Variants in HPSE2 observed in about 807,000 individuals in gnomAD.
The protein encoded by HPSE2 is inactive heparanase-2.
Under a neutral mutation model 60.5 loss-of-function variants are expected in HPSE2, and 38 were observed. That is an observed-to-expected ratio of 0.63 (90% confidence interval 0.48 to 0.82). The LOEUF (loss-of-function observed/expected upper bound fraction) is 0.82. HPSE2 is among the 40% of genes least tolerant of loss of function. The pLI is 0.00. For missense variants in HPSE2, 713 were observed against 740.4 expected, an observed-to-expected ratio of 0.96 and a Z score of 0.43; for synonymous variants, 295 against 293.2, an observed-to-expected ratio of 1.01 and a Z score of -0.06.
At chr10:98,515,085 C>T (rs11189644) in intron 9 of HPSE2, among the ~76,000 whole-genome samples, 4 of 152,090 alleles carry the variant, frequency 2.6e-5, no homozygotes, top group Non-Finnish European at 5.9e-5. Context: ...ATATTGAACT[C>T]GCTGGACTTT....
At chr10:98,979,558 C>G (rs999375262) in intron 3 of HPSE2, among the ~76,000 whole-genome samples, 3 of 152,034 alleles carry the variant, frequency 2.0e-5, no homozygotes, top group African/African-American at 7.2e-5. Context: ...ATTATTTGTA[C>G]AAAAGACATA....
In HPSE2 at chr10:99,105,956, A is replaced by G. The variant is rs146358782; in HGVS notation, c.610+38282T>C. Among the ~76,000 whole-genome samples, 1,395 of 152,116 alleles carry G rather than the reference A, an allele frequency of 9.2e-3. 16 individuals are homozygous for G. The highest frequency in any genetic ancestry group is 0.031 in the African/African-American group (1,300 of 41,520). ...TATTGCAAACTCTTAATTCTGTTCC[A>G]TTTATCTGTATACCTATCTTTATAC... On this transcript the variant is annotated intron_variant, in intron 3 of 11. Coordinates refer to ENST00000370552, the MANE Select transcript of HPSE2 (RefSeq NM_021828.5).
intron 3 of HPSE2, among the ~76,000 whole-genome samples, chr10:99,138,785 TA>T (rs1460075669): frequency 6.6e-6 from 1 of 152,096 alleles, no homozygotes; most frequent in Admixed American, 6.6e-5. Flanking sequence ...GAGAAATACC[TA>T]ATGTAGGTGA....
intron 3 of HPSE2, among the ~76,000 whole-genome samples, chr10:98,926,996 C>A (rs1228268245): frequency 1.3e-5 from 2 of 152,074 alleles, no homozygotes; most frequent in Non-Finnish European, 2.9e-5. Context: ...AATTTCTGTT[C>A]TTTTACATTT....
intron 3 of HPSE2, among the ~76,000 whole-genome samples, chr10:98,752,220 G>T (rs541349511): frequency 1.3e-5 from 2 of 152,064 alleles, no homozygotes; most frequent in Non-Finnish European, 2.9e-5. Context: ...CTGTGACAAA[G>T]ACACATTTTA....
At chr10:99,034,374 T>C (rs1589551342) in intron 3 of HPSE2, among the ~76,000 whole-genome samples, 1 of 152,092 alleles carries the variant, frequency 6.6e-6, no homozygotes, top group Non-Finnish European at 1.5e-5. Flanking sequence ...TATCAACAGG[T>C]ACCATGAGGA....
At chr10:99,007,179 GAGTGTAGAGC>G (rs1452525083) in intron 3 of HPSE2, among the ~76,000 whole-genome samples, 1 of 152,160 alleles carries the variant, frequency 6.6e-6, no homozygotes, top group Non-Finnish European at 1.5e-5. Context: ...GGTAGACCTG[GAGTGTAGAGC>G]TTCAGGATCT....
At chr10:98,626,050 G>A (rs1946199867) in intron 7 of HPSE2, among the ~76,000 whole-genome samples, 1 of 149,998 alleles carries the variant, frequency 6.7e-6, no homozygotes, top group African/African-American at 2.5e-5. Context: ...AGCTTGCAGT[G>A]AGCCGAGATC....
chr10:98,583,651 C>G (rs11189691), intron 9 of HPSE2, among the ~76,000 whole-genome samples: 92,781 of 152,070 alleles, frequency 0.61, 28,717 homozygotes, highest in Middle Eastern at 0.7. Context: ...CCTAACAGCT[C>G]CCTGGTTTGT....
At chr10:98,514,859 C>A (rs1198926595) in intron 9 of HPSE2, among the ~76,000 whole-genome samples, 1 of 151,648 alleles carries the variant, frequency 6.6e-6, no homozygotes, top group East Asian at 1.9e-4. Context: ...GCTGGGATTA[C>A]AGGCACCCAC....
chr10:98,960,179 T>C (rs532042208), intron 3 of HPSE2, among the ~76,000 whole-genome samples: 6 of 152,268 alleles, frequency 3.9e-5, no homozygotes, highest in African/African-American at 1.4e-4. Context: ...TCTATTTTCA[T>C]TGCTTTTTCT....
At chr10:98,717,747 A>G (rs1050593347) in intron 5 of HPSE2, among the ~76,000 whole-genome samples, 5 of 152,162 alleles carry the variant, frequency 3.3e-5, no homozygotes, top group African/African-American at 1.2e-4. Flanking sequence ...ATATAATAAT[A>G]ATGAAAAAAC....
At chr10:99,046,620 T>G (rs1327872275) in intron 3 of HPSE2, among the ~76,000 whole-genome samples, 1 of 152,120 alleles carries the variant, frequency 6.6e-6, no homozygotes, top group Admixed American at 6.5e-5. Flanking sequence ...ATCAATGATT[T>G]TAATAAGGTT....
At chr10:98,483,649 T>C (rs1941332161) in intron 10 of HPSE2, among the ~76,000 whole-genome samples, 2 of 152,152 alleles carry the variant, frequency 1.3e-5, no homozygotes, top group South Asian at 4.1e-4. Flanking sequence ...GAAATGTGAG[T>C]GGACATGGCA....
chr10:98,520,391 A>T (rs1942749632), intron 9 of HPSE2, among the ~76,000 whole-genome samples: 1 of 152,192 alleles, frequency 6.6e-6, no homozygotes, highest in Non-Finnish European at 1.5e-5. Context: ...CAACATACAG[A>T]CCATGTACAG....
chr10:98,822,425 A>G (rs773362184), intron 3 of HPSE2, among the ~76,000 whole-genome samples: 1 of 152,200 alleles, frequency 6.6e-6, no homozygotes, highest in African/African-American at 2.4e-5. Flanking sequence ...AATTTCAAGA[A>G]TAATCACTAA....
chr10:99,088,843 T>G (rs1843417028), intron 3 of HPSE2, among the ~76,000 whole-genome samples: 1 of 152,312 alleles, frequency 6.6e-6, no homozygotes, highest in East Asian at 1.9e-4. Context: ...CATTCCCTTT[T>G]CACCACATCC....
chr10:98,475,770 A>G (rs1017211134), intron 11 of HPSE2, among the ~76,000 whole-genome samples: 3 of 151,684 alleles, frequency 2.0e-5, no homozygotes, highest in African/African-American at 4.8e-5. Context: ...CTTCTTCTGG[A>G]AAAAAAAATG....
In HPSE2 at chr10:98,795,705, G is replaced by C. The variant is rs549877492; in HGVS notation, c.611-51649C>G. ...GAAGATACCAGCCAGGGTGGCTAAG[G>C]GAGTGCTTGTGCCGCCACTCCCCCA... is the stretch of plus-strand genomic sequence containing the variant. On this transcript the variant is annotated intron_variant, in intron 3 of 11. Transcript: ENST00000370552. Among the ~76,000 whole-genome samples the C allele has an allele frequency of 2.0e-5, 3 of 152,312 alleles. No individual in the cohort carries two copies. In the East Asian group the frequency reaches 5.8e-4, roughly 29 times the overall value.
Sources: gnomAD v4.1 joint callset for allele counts (sites outside exome capture counted in the v4.1 genomes callset) on GRCh38, gnomAD v4.1.1 for gene constraint, MANE v1.5 for transcripts, NCBI Gene and HGNC (gene_info 2026-07-23, HGNC 2026-07-21) for gene names.